Variants in UIMC1 observed in about 807,000 individuals in gnomAD.
UIMC1 encodes ubiquitin interaction motif containing 1.
Under a neutral mutation model 84.9 loss-of-function variants are expected in UIMC1, and 42 were observed. The observed-to-expected ratio is 0.49, with a 90% CI of 0.39 to 0.64. The LOEUF (loss-of-function observed/expected upper bound fraction) is 0.64. UIMC1 is among the 30% of genes least tolerant of loss of function. The probability of loss-of-function intolerance (pLI) is 0.00; values close to 1 mark genes in which losing one functional copy is unlikely to be tolerated. For synonymous variants in UIMC1, 281 were observed against 293.0 expected (o/e 0.96, Z 0.42); for missense variants, 825 against 847.6 (o/e 0.97, Z 0.33).
At chr5:177,004,650 T>C (rs1775011013) in intron 1 of UIMC1, among the ~76,000 whole-genome samples, 1 of 152,192 alleles carries the variant, frequency 6.6e-6, no homozygotes, top group Admixed American at 6.5e-5. Context: ...GCCCCAGTAA[T>C]GAGACTTATT....
At position 176,951,458 on chromosome 5, in the gene UIMC1, A is replaced by G; in HGVS notation, c.1443+16T>C. On this transcript the variant is annotated intron_variant, in intron 9 of 14. Coordinates refer to ENST00000511320, the MANE Select transcript of UIMC1 (RefSeq NM_001199298.2). Reference sequence around the variant, plus strand: ...GAAAGAAACCACTGAGAAAAAATATAGAGGAAAATATTCACCTCCTTATCT... The same window carrying G: ...GAAAGAAACCACTGAGAAAAAATATGGAGGAAAATATTCACCTCCTTATCT... The G allele has an allele frequency of 6.7e-7, 1 of 1,496,596 alleles. No homozygotes were observed. Among genetic ancestry groups the G allele is most frequent in the South Asian group, 1.4e-5 (1 of 70,926 alleles). 92.7% of individuals were successfully genotyped at this position (1,496,596 alleles called of 1,614,324 possible).
chr5:176,955,544 T>C (rs1313266286), intron 8 of UIMC1, among the ~76,000 whole-genome samples: 4 of 152,170 alleles, frequency 2.6e-5, no homozygotes, highest in African/African-American at 9.7e-5. Flanking sequence ...CAGTGAGCTA[T>C]GATTGCACCA....
At chr5:177,022,337 ACT>A (rs1775896604) in intron 1 of UIMC1, 1 of 185,924 alleles carries the variant, frequency 5.4e-6, no homozygotes, top group Non-Finnish European at 1.1e-5. Flanking sequence ...ACTACTACTT[ACT>A]AGTAGCGAGC....
chr5:177,010,796 G>T (rs188421547), upstream of UIMC1, among the ~76,000 whole-genome samples: 2 of 152,044 alleles, frequency 1.3e-5, no homozygotes, highest in East Asian at 3.9e-4. Flanking sequence ...GTGAGCAACC[G>T]GGTCCGGCCA....
intron 8 of UIMC1, among the ~76,000 whole-genome samples, chr5:176,951,881 A>G (rs905284697): frequency 3.9e-5 from 6 of 152,148 alleles, no homozygotes. Context: ...ACACCCCAAA[A>G]AGTTCTCTGT....
chr5:176,977,598 G>A (rs150039492), intron 2 of UIMC1, among the ~76,000 whole-genome samples: 45,797 of 111,214 alleles, frequency 0.41, 8,576 homozygotes, highest in Admixed American at 0.53. Context: ...AAAAAAAAAA[G>A]AAAAGAAAAA....
rs543861626 is a variant in UIMC1 at position 176,982,410 on chromosome 5, T to C, written c.147+59A>G. On this transcript the variant is annotated intron_variant, in intron 2 of 14. Transcript: ENST00000511320. ...AGTCAGTCACGAAACAAACTCCCCA[T>C]GGGTAAAGAAGCATAGTTTGAGAGC... 85 of 1,558,490 alleles carry C rather than the reference T, an allele frequency of 5.5e-5. 1 individual carries two copies. In the African/African-American group the frequency reaches 1.1e-3, roughly 20 times the overall value.
At chr5:176,905,659 G>T in intron 14 of UIMC1, 167 bp from the exon 15 acceptor site, 1 of 706,626 alleles carries the variant, frequency 1.4e-6, no homozygotes, top group Non-Finnish European at 2.3e-6. Context: ...TGAGGTCACT[G>T]GGTAAATCAT....
chr5:176,908,133 T>C lies in UIMC1; in HGVS notation c.1848+390A>G, dbSNP rs111467450. On this transcript the variant is annotated intron_variant, in intron 12 of 14. Coordinates refer to ENST00000511320, the MANE Select transcript of UIMC1 (RefSeq NM_001199298.2). ...TATACACATAGTACTAGATATATAG[T>C]ATGTTGTGTGTGTGCTTATTGCATA... Among the ~76,000 whole-genome samples the C allele has an allele frequency of 4.2e-3, 641 of 152,198 alleles. 9 individuals carry two copies. Among genetic ancestry groups the C allele is most frequent in the African/African-American group, 0.014 (596 of 41,518 alleles).
At chr5:176,964,117 C>G (rs1767947227) in intron 6 of UIMC1, among the ~76,000 whole-genome samples, 1 of 152,184 alleles carries the variant, frequency 6.6e-6, no homozygotes, top group African/African-American at 2.4e-5. Context: ...GACTCTCTTG[C>G]TATCTCTATC....
intron 10 of UIMC1, among the ~76,000 whole-genome samples, chr5:176,925,037 A>AAAAG (rs1300659044): frequency 1.5e-3 from 231 of 152,056 alleles, no homozygotes; most frequent in African/African-American, 5.3e-3. Context: ...CCTCAAAAAA[A>AAAAG]AAAAAAAAAA....
At chr5:176,946,190 G>A (rs575075141) in intron 9 of UIMC1, among the ~76,000 whole-genome samples, 50 of 152,258 alleles carry the variant, frequency 3.3e-4, no homozygotes, top group African/African-American at 1.2e-3. Context: ...TATCTTGTGT[G>A]TGTCTATTAT....
At chr5:176,915,878 G>C (rs1286915748) in intron 10 of UIMC1, among the ~76,000 whole-genome samples, 1 of 150,574 alleles carries the variant, frequency 6.6e-6, no homozygotes, top group African/African-American at 2.5e-5. Flanking sequence ...TTCTACAAGA[G>C]CAGGCTGCCT....
At chr5:177,009,003 T>A (rs956188093), upstream of UIMC1, among the ~76,000 whole-genome samples, 1 of 151,620 alleles carries the variant, frequency 6.6e-6, no homozygotes, top group African/African-American at 2.4e-5. The surrounding 1 kb of genome is among the most constrained non-coding windows in gnomAD (Gnocchi z 4.3). Flanking sequence ...ACTATGTTTA[T>A]GGTTTTTTGG....
chr5:176,911,815 T>A (rs1760254223), intron 10 of UIMC1, among the ~76,000 whole-genome samples: 2 of 152,204 alleles, frequency 1.3e-5, no homozygotes, highest in African/African-American at 4.8e-5. Flanking sequence ...CTCCAATCTT[T>A]ACAAAACTCT....
At chr5:176,996,060 G>C (rs1773568921) in intron 1 of UIMC1, among the ~76,000 whole-genome samples, 1 of 152,010 alleles carries the variant, frequency 6.6e-6, no homozygotes. Flanking sequence ...ATCAACATGT[G>C]AATAAACAAA....
intron 1 of UIMC1, among the ~76,000 whole-genome samples, chr5:177,014,664 C>T (rs951721168): frequency 2.6e-5 from 4 of 152,044 alleles, no homozygotes; most frequent in Non-Finnish European, 5.9e-5. Flanking sequence ...CAGTACTTCA[C>T]TCCAGCCTGG....
chr5:176,905,562 A>T, intron 14 of UIMC1, 70 bp from the exon 15 acceptor site: 2 of 1,390,894 alleles, frequency 1.4e-6, no homozygotes, highest in Non-Finnish European at 2.0e-6. Context: ...TATGCACTGT[A>T]TCAGGGGATT....
rs149833415 is a variant in UIMC1 at position 177,006,085 on chromosome 5, G to A, written c.-9+565C>T. Among the ~76,000 whole-genome samples, 1,388 of 152,324 alleles carry A rather than the reference G, an allele frequency of 9.1e-3. 8 individuals carry two copies. Among genetic ancestry groups the A allele is most frequent in the South Asian group, 0.025 (121 of 4,830 alleles). On this transcript the variant is annotated intron_variant, in intron 1 of 14. Coordinates refer to ENST00000511320, the MANE Select transcript of UIMC1 (RefSeq NM_001199298.2). ...AGCAACCCGGCACGGGAAGGAGCGC[G>A]GGCCTGGCGCCCCGAGGCGTGAGGC...
Sources: gnomAD v4.1 joint callset for allele counts (sites outside exome capture counted in the v4.1 genomes callset) on GRCh38, gnomAD v4.1.1 for gene constraint, Gnocchi (gnomAD v3.1) non-coding constraint, MANE v1.5 for transcripts, NCBI Gene and HGNC (gene_info 2026-07-23, HGNC 2026-07-21) for gene names.